The following MAP3K13 variants were observed in gnomAD, a reference collection of about 807,000 sequenced individuals.
MAP3K13 encodes leucine zipper-bearing kinase.
In MAP3K13, 52 loss-of-function variants were observed where a neutral mutation model predicts 104.0. That is an observed-to-expected ratio of 0.50 (90% CI 0.40 to 0.63). The LOEUF (loss-of-function observed/expected upper bound fraction) is 0.63, where lower values mean the gene tolerates loss of function less well. Ranked by LOEUF, MAP3K13 falls within the 20% of genes least tolerant of loss-of-function variation. The pLI, the probability that MAP3K13 is intolerant of heterozygous loss-of-function variation, is 0.00. For synonymous variants in MAP3K13, 394 were observed against 442.2 expected (o/e 0.89, Z 1.37); for missense variants, 914 against 1,218.5 (o/e 0.75, Z 3.72).
intron 2 of MAP3K13, among the ~76,000 whole-genome samples, chr3:185,298,924 G>A (rs1243594260): frequency 6.6e-6 from 1 of 152,206 alleles, no homozygotes; most frequent in Admixed American, 6.5e-5. Flanking sequence ...TTTGGAAAAT[G>A]TTGCAGTCTT....
At chr3:185,472,177 C>T (rs977625689) in intron 10 of MAP3K13, among the ~76,000 whole-genome samples, 3 of 147,232 alleles carry the variant, frequency 2.0e-5, no homozygotes, top group African/African-American at 5.0e-5. Flanking sequence ...CTGTGGGCTT[C>T]GTCTTCAACA....
intron 2 of MAP3K13, among the ~76,000 whole-genome samples, chr3:185,339,899 C>G (rs552519978): frequency 1.3e-5 from 2 of 152,224 alleles, no homozygotes; most frequent in South Asian, 4.1e-4. Flanking sequence ...ATATGGGACT[C>G]TAAAAATGAT....
chr3:185,486,415 T>C lies in MAP3K13; in HGVS notation c.*3959T>C, dbSNP rs1194094836. On this transcript the variant is annotated 3_prime_UTR_variant, in exon 14 of 14. Coordinates refer to ENST00000265026, the MANE Select transcript of MAP3K13 (RefSeq NM_004721.5). ...AGGAGAATAAGGTCCTTAGTGGAGG[T>C]TAAAAAGGGAAATACCTTCTCTAGC... 6.6e-6 allele frequency: 1 copy of C among 152,068 alleles called. No individual in the cohort carries two copies. 9.4% of individuals were successfully genotyped at this position (152,068 alleles called of 1,614,324 possible).
intron 1 of MAP3K13, among the ~76,000 whole-genome samples, chr3:185,424,477 T>C (rs1297204650): frequency 6.6e-6 from 1 of 152,200 alleles, no homozygotes; most frequent in African/African-American, 2.4e-5. Flanking sequence ...TCTTGTGAAA[T>C]AGAAATGACA....
chr3:185,334,238 C>G (rs774154954), intron 2 of MAP3K13, among the ~76,000 whole-genome samples: 1 of 152,086 alleles, frequency 6.6e-6, no homozygotes, highest in Non-Finnish European at 1.5e-5. Flanking sequence ...GCCATTTCTC[C>G]CTAAATCAGT....
In MAP3K13 at chr3:185,485,397, C is replaced by T. The variant is rs767029087; in HGVS notation, c.*2941C>T. 3.9e-5 allele frequency: 6 copies of T among 152,168 alleles called. No homozygotes were observed. The highest frequency in any genetic ancestry group is 6.5e-5 in the Admixed American group (1 of 15,280). The allele number at this position is 152,168 out of a possible 1,614,324, so 9.4% of individuals were successfully genotyped here. A position where few individuals can be genotyped will look rare whatever the true frequency, so the allele number is the denominator to read the frequency against. Reference sequence around the variant, plus strand: ...GGCTTCATTTTCATGGTTTCAGTTACGCTCAACAGCAGTCCAAAAATATTT... The same window carrying T: ...GGCTTCATTTTCATGGTTTCAGTTATGCTCAACAGCAGTCCAAAAATATTT... On this transcript the variant is annotated 3_prime_UTR_variant, in exon 14 of 14. Transcript: ENST00000265026.
intron 2 of MAP3K13, chr3:185,293,173 A>G: frequency 4.8e-6 from 2 of 416,832 alleles, no homozygotes; most frequent in Non-Finnish European, 6.4e-6. Flanking sequence ...GCTGGAGTGT[A>G]GTGGCGCAAT....
At chr3:185,389,503 T>C (rs1181349514) in intron 1 of MAP3K13, among the ~76,000 whole-genome samples, 1 of 152,094 alleles carries the variant, frequency 6.6e-6, no homozygotes, top group Non-Finnish European at 1.5e-5. Flanking sequence ...TCTTTTCATT[T>C]ATTGTCTAAC....
chr3:185,301,328 T>A (rs1721102124), intron 2 of MAP3K13, among the ~76,000 whole-genome samples: 1 of 151,746 alleles, frequency 6.6e-6, no homozygotes, highest in South Asian at 2.1e-4. Context: ...TTTTTTTTTT[T>A]ATTATTGAGT....
intron 1 of MAP3K13, among the ~76,000 whole-genome samples, chr3:185,404,100 C>T (rs1712970577): frequency 6.6e-6 from 1 of 152,262 alleles, no homozygotes; most frequent in Non-Finnish European, 1.5e-5. Context: ...CTGCCATTAA[C>T]ATTATCTGCA....
At position 185,482,101 on chromosome 3, in the gene MAP3K13, A is replaced by T. The variant is rs1330794882; in HGVS notation, c.2800-254A>T. Among the ~76,000 whole-genome samples the T allele has an allele frequency of 6.6e-6, 1 of 152,202 alleles. No individual in the cohort carries two copies. Among genetic ancestry groups the T allele is most frequent in the Non-Finnish European group, 1.5e-5 (1 of 68,034 alleles). ...TCCATCTCTAAATAAATAAATAAGT[A>T]AAGTACTTACAACAGTGCCTGGAGC... On this transcript the variant is annotated intron_variant, in intron 13 of 13. Transcript: ENST00000265026. The surrounding 1 kb of genome is among the most constrained non-coding windows in gnomAD (Gnocchi z 4.5).
Position 185,473,780 on chromosome 3 carries a change from A to G in MAP3K13, c.2430+19A>G, listed in dbSNP as rs922963372. Reference sequence around the variant, plus strand: ...GCAGAAGGTAAAGTGTAATGATGAGAGTGGCCTGCGTCACTGCCTTCAAAG... The same window carrying G: ...GCAGAAGGTAAAGTGTAATGATGAGGGTGGCCTGCGTCACTGCCTTCAAAG... On this transcript the variant is annotated intron_variant, in intron 11 of 13. Coordinates refer to ENST00000265026, the MANE Select transcript of MAP3K13 (RefSeq NM_004721.5). This position sits in a 1 kb window ranked among gnomAD's most constrained non-coding sequence, Gnocchi z 4.9. 7.5e-6 allele frequency: 12 copies of G among 1,600,518 alleles called. No individual in the cohort carries two copies. In the African/African-American group the frequency reaches 9.4e-5, roughly 13 times the overall value.
At position 185,377,862 on chromosome 3, in the gene MAP3K13, T is replaced by G. The variant is rs1004842552; in HGVS notation, c.-86+14494T>G. Among the ~76,000 whole-genome samples the G allele has an allele frequency of 2.6e-5, 4 of 152,354 alleles. No individual in the cohort carries two copies. The Middle Eastern group carries it at 0.014, about 518-fold the overall frequency. ...CCTTGGGCCAGAGTTCCAGGGGCTC[T>G]GGGAGTGGCTGCCGGGCGAGTTGGA... On this transcript the variant is annotated intron_variant, in intron 1 of 13. Coordinates refer to ENST00000265026, the MANE Select transcript of MAP3K13 (RefSeq NM_004721.5).
intron 3 of MAP3K13, among the ~76,000 whole-genome samples, chr3:185,442,932 C>T (rs6444071): frequency 0.81 from 123,030 of 151,990 alleles, 50,984 homozygotes; most frequent in East Asian, 0.91. Flanking sequence ...CTCCACCTCC[C>T]GGGTTCAAGC....
intron 2 of MAP3K13, among the ~76,000 whole-genome samples, chr3:185,434,796 T>C (rs1405441450): frequency 6.6e-6 from 1 of 152,000 alleles, no homozygotes; most frequent in Non-Finnish European, 1.5e-5. Context: ...ATTGAGTAAA[T>C]AGGGTAAAAA....
At chr3:185,391,782 T>G (rs1406441229) in intron 1 of MAP3K13, among the ~76,000 whole-genome samples, 1 of 152,204 alleles carries the variant, frequency 6.6e-6, no homozygotes, top group Non-Finnish European at 1.5e-5. Flanking sequence ...AAAACAAAAC[T>G]CTGTTTCATC....
chr3:185,291,210 T>G (rs529887842), intron 2 of MAP3K13, among the ~76,000 whole-genome samples: 60 of 152,320 alleles, frequency 3.9e-4, no homozygotes, highest in African/African-American at 1.4e-3. Flanking sequence ...TTATGCTATC[T>G]CTTCCAACAA....
At position 185,320,624 on chromosome 3, in the gene MAP3K13, G is replaced by A. The variant is rs554902792; in HGVS notation, c.-86+34981G>A. Among the ~76,000 whole-genome samples, 7 of 152,182 alleles carry A rather than the reference G, an allele frequency of 4.6e-5. No homozygotes were observed. In the East Asian group the frequency reaches 9.7e-4, roughly 21 times the overall value. ...AGAAGCTTCTGGACATTACCTCCAC[G>A]GTTACCATTCTAATGGCTTGCTCAT... On this transcript the variant is annotated intron_variant, in intron 2 of 14. Transcript: ENST00000424227.
intron 1 of MAP3K13, among the ~76,000 whole-genome samples, chr3:185,382,306 A>G (rs1022436213): frequency 6.6e-6 from 1 of 152,238 alleles, no homozygotes; most frequent in Non-Finnish European, 1.5e-5. Context: ...TATGTTACTT[A>G]TCCAATATCT....
Sources: allele counts gnomAD v4.1 joint callset (sites outside exome capture counted in the v4.1 genomes callset), GRCh38; gene constraint gnomAD v4.1.1; non-coding constraint Gnocchi (gnomAD v3.1); transcripts MANE v1.5; gene names NCBI Gene and HGNC (gene_info 2026-07-23, HGNC 2026-07-21).